The following RAVER2 variants were observed in gnomAD, a reference collection of about 807,000 sequenced individuals.
The protein encoded by RAVER2 is ribonucleoprotein, PTB binding 2, also known as ribonucleoprotein PTB-binding 2.
In RAVER2, 46 loss-of-function variants were observed where a neutral mutation model predicts 78.1. The observed-to-expected ratio is 0.59, with a 90% CI of 0.46 to 0.75. The LOEUF (loss-of-function observed/expected upper bound fraction) is 0.75, where lower values mean the gene tolerates loss of function less well. RAVER2 is among the 30% of genes least tolerant of loss of function. The pLI is 0.00. For synonymous variants in RAVER2, 311 were observed against 313.3 expected, an observed-to-expected ratio of 0.99 and a Z score of 0.08; for missense variants, 793 against 837.5, an observed-to-expected ratio of 0.95 and a Z score of 0.66.
intron 2 of RAVER2, 73 bp downstream of exon 2, chr1:64,768,795 G>C: frequency 1.0e-6 from 1 of 962,232 alleles, no homozygotes; most frequent in South Asian, 1.5e-5. Flanking sequence ...AAAAAGCTCA[G>C]TGTCTTTTCA....
intron 4 of RAVER2, among the ~76,000 whole-genome samples, chr1:64,785,802 G>A (rs886610398): frequency 1.3e-5 from 2 of 152,074 alleles, no homozygotes; most frequent in East Asian, 1.9e-4. Flanking sequence ...CATTAGGATA[G>A]TCTTAAATGT....
exon 4 of RAVER2, chr1:64,781,416 G>T (rs1276703595): frequency 6.2e-7 from 1 of 1,612,556 alleles, no homozygotes. Context: ...TGGTGGCTTT[G>T]CAGTGGTTGA....
At chr1:64,781,275 A>G (rs1227135894) in intron 3 of RAVER2, 105 bp from the exon 4 acceptor site, 3 of 1,024,964 alleles carry the variant, frequency 2.9e-6, no homozygotes, top group Admixed American at 2.7e-5. Context: ...TTCCACCAGT[A>G]TCATGCTCCA....
At chr1:64,778,392 T>C (rs1464026805) in intron 3 of RAVER2, among the ~76,000 whole-genome samples, 1 of 152,178 alleles carries the variant, frequency 6.6e-6, no homozygotes, top group African/African-American at 2.4e-5. Flanking sequence ...ATCCAACTTT[T>C]ATTTACCATC....
chr1:64,801,387 C>T (rs1570568491), intron 5 of RAVER2, among the ~76,000 whole-genome samples: 1 of 151,916 alleles, frequency 6.6e-6, no homozygotes, highest in East Asian at 1.9e-4. Flanking sequence ...GCGTGAGCCA[C>T]TGCACCCAGC....
chr1:64,765,076 T>A (rs1035117686), intron 1 of RAVER2, among the ~76,000 whole-genome samples: 1 of 152,212 alleles, frequency 6.6e-6, no homozygotes, highest in Non-Finnish European at 1.5e-5. Flanking sequence ...CAATTTTATA[T>A]CCATTAAATT....
chr1:64,788,235 G>A (rs943016636), intron 4 of RAVER2, among the ~76,000 whole-genome samples: 1 of 152,128 alleles, frequency 6.6e-6, no homozygotes, highest in African/African-American at 2.4e-5. Flanking sequence ...TACTTTGGGA[G>A]GCCGAGGTGG....
exon 3 of RAVER2, chr1:64,777,935 C>T: frequency 6.2e-7 from 1 of 1,614,066 alleles, no homozygotes; most frequent in Non-Finnish European, 8.5e-7. Flanking sequence ...CAGTTGGGAG[C>T]ATCAGCACTC....
intron 4 of RAVER2, among the ~76,000 whole-genome samples, chr1:64,786,809 A>G (rs1375000061): frequency 6.6e-6 from 1 of 152,076 alleles, no homozygotes; most frequent in African/African-American, 2.4e-5. Context: ...AAAAAAAAAT[A>G]CTATTTTGTT....
chr1:64,799,295 A>G (rs1489126058), intron 5 of RAVER2, among the ~76,000 whole-genome samples: 3 of 152,182 alleles, frequency 2.0e-5, no homozygotes, highest in Admixed American at 2.0e-4. Flanking sequence ...CATTGTGTAT[A>G]TGTACCACAT....
intron 1 of RAVER2, among the ~76,000 whole-genome samples, chr1:64,758,811 G>T (rs1651927696): frequency 6.6e-6 from 1 of 151,864 alleles, no homozygotes; most frequent in South Asian, 2.1e-4. Context: ...AATAGGTATT[G>T]TTTTAAGCAA....
intron 2 of RAVER2, among the ~76,000 whole-genome samples, chr1:64,770,156 T>TA (rs1318961609): frequency 2.0e-5 from 3 of 152,040 alleles, no homozygotes; most frequent in Non-Finnish European, 2.9e-5. Context: ...TGATTACTAA[T>TA]ATACATTTCA....
rs188813970 is a variant in RAVER2 at position 64,761,414 on chromosome 1, G to A, written c.250-7242G>A. ...GGGAATATATAGGCTTGGAGCTTGG[G>A]AGAGAAGTTTGAAATGGAAGTAAGA... On this transcript the variant is annotated intron_variant, in intron 1 of 11. Coordinates refer to ENST00000294428, the Ensembl canonical transcript of RAVER2. 3.4e-3 allele frequency among the ~76,000 whole-genome samples: 519 copies of A among 152,326 alleles called. 6 individuals are homozygous for A. Among genetic ancestry groups the A allele is most frequent in the African/African-American group, 0.012 (482 of 41,576 alleles).
chr1:64,805,573 C>T (rs1653394935), intron 8 of RAVER2, among the ~76,000 whole-genome samples: 1 of 152,136 alleles, frequency 6.6e-6, no homozygotes, highest in Non-Finnish European at 1.5e-5. Context: ...CTATGTGCTT[C>T]TAAAAACATG....
At chr1:64,803,691 A>C (rs905928269) in intron 6 of RAVER2, among the ~76,000 whole-genome samples, 2 of 152,204 alleles carry the variant, frequency 1.3e-5, no homozygotes, top group African/African-American at 4.8e-5. Context: ...CATCCTTAGA[A>C]TCTAACACAG....
exon 4 of RAVER2, chr1:64,781,467 G>C: frequency 6.2e-7 from 1 of 1,614,064 alleles, no homozygotes; most frequent in Non-Finnish European, 8.5e-7. Context: ...CCAGCAGGCA[G>C]CAGACGGTAT....
At chr1:64,805,031 A>G (rs757102961) in exon 8 of RAVER2, 1 of 1,614,020 alleles carries the variant, frequency 6.2e-7, no homozygotes, top group Non-Finnish European at 8.5e-7. Context: ...GTGGTACTTC[A>G]GACTGCACTA....
chr1:64,792,028 G>A (rs993585973), intron 5 of RAVER2, among the ~76,000 whole-genome samples: 34 of 152,194 alleles, frequency 2.2e-4, no homozygotes, highest in African/African-American at 7.5e-4. Flanking sequence ...TGTAAAAGAT[G>A]TCAGTTAAAC....
chr1:64,818,272 C>A (rs959085635), intron 11 of RAVER2, among the ~76,000 whole-genome samples: 1 of 152,148 alleles, frequency 6.6e-6, no homozygotes, highest in African/African-American at 2.4e-5. Context: ...CGCGGTGGCT[C>A]ACACCTGTAA....
Sources: gnomAD v4.1 joint callset for allele counts (sites outside exome capture counted in the v4.1 genomes callset) on GRCh38, gnomAD v4.1.1 for gene constraint, MANE v1.5 for transcripts, NCBI Gene and HGNC (gene_info 2026-07-23, HGNC 2026-07-21) for gene names.